The following EHMT1 variants were observed in gnomAD, a reference collection of about 807,000 sequenced individuals.
EHMT1 encodes histone-lysine N-methyltransferase EHMT1.
A neutral mutation model predicts 147.2 loss-of-function variants in EHMT1; 15 were observed. That is an observed-to-expected ratio of 0.10 (90% CI 0.07 to 0.16). The LOEUF (loss-of-function observed/expected upper bound fraction) is 0.16. EHMT1 is among the 10% of genes least tolerant of loss of function. The pLI is 1.00. For synonymous variants in EHMT1, 795 were observed against 709.6 expected, an observed-to-expected ratio of 1.12 and a Z score of -1.91; for missense variants, 1,587 against 1,772.4, an observed-to-expected ratio of 0.90 and a Z score of 1.88.
At chr9:137,689,739 A>AT (rs1320410195) in intron 1 of EHMT1, among the ~76,000 whole-genome samples, 3 of 152,128 alleles carry the variant, frequency 2.0e-5, no homozygotes, top group East Asian at 3.9e-4. Context: ...AGATGTACAC[A>AT]TTTTTTTGGG....
intron 13 of EHMT1, among the ~76,000 whole-genome samples, chr9:137,779,224 T>C (rs1380521154): frequency 6.6e-6 from 1 of 152,236 alleles, no homozygotes; most frequent in East Asian, 1.9e-4. Flanking sequence ...ACATCTTCTG[T>C]AGTGCGAGCT....
At chr9:137,643,760 G>T in intron 1 of EHMT1, among the ~76,000 whole-genome samples, 1 of 152,284 alleles carries the variant, frequency 6.6e-6, no homozygotes, top group South Asian at 2.1e-4. Context: ...TTGCTCCTCT[G>T]TCGCTGCTTT....
At chr9:137,659,103 C>T (rs1349098925) in intron 1 of EHMT1, among the ~76,000 whole-genome samples, 1 of 152,110 alleles carries the variant, frequency 6.6e-6, no homozygotes, top group Non-Finnish European at 1.5e-5. Flanking sequence ...TGTTGAACAT[C>T]TAAATACATT....
chr9:137,767,560 C>G (rs1345547834), intron 10 of EHMT1, among the ~76,000 whole-genome samples: 1 of 152,192 alleles, frequency 6.6e-6, no homozygotes, highest in East Asian at 1.9e-4. Flanking sequence ...CGCCTATAAT[C>G]CCAGCACTTT....
At chr9:137,814,352 G>C (rs1172823201) in intron 21 of EHMT1, 79 bp from the exon 22 acceptor site, 3 of 1,467,996 alleles carry the variant, frequency 2.0e-6, no homozygotes, top group Non-Finnish European at 2.8e-6. Context: ...TAACAGAACT[G>C]GAAGACGTAG....
chr9:137,723,046 T>C (rs1197382487), intron 3 of EHMT1, among the ~76,000 whole-genome samples: 4 of 106,386 alleles, frequency 3.8e-5, no homozygotes, highest in African/African-American at 8.8e-5. Context: ...TGTCTGTGTC[T>C]GTGGTTCTGG....
intron 1 of EHMT1, among the ~76,000 whole-genome samples, chr9:137,671,512 TTTTC>T (rs1248382447): frequency 6.7e-6 from 1 of 148,454 alleles, no homozygotes; most frequent in Non-Finnish European, 1.5e-5. Context: ...AGTTGGATCC[TTTTC>T]TTTCTTTTTT....
intron 4 of EHMT1, 80 bp downstream of exon 4, chr9:137,728,609 G>C: frequency 6.3e-7 from 1 of 1,581,936 alleles, no homozygotes; most frequent in South Asian, 1.1e-5. Flanking sequence ...AGTTCTGTTT[G>C]GCTGTAAGTG....
At chr9:137,695,463 C>T (rs980383446) in intron 1 of EHMT1, among the ~76,000 whole-genome samples, 4 of 152,216 alleles carry the variant, frequency 2.6e-5, no homozygotes, top group Admixed American at 1.3e-4. Context: ...ACTGCACTGC[C>T]CTGAAACTCG....
intron 1 of EHMT1, among the ~76,000 whole-genome samples, chr9:137,634,467 T>C (rs1843837139): frequency 6.6e-6 from 1 of 152,200 alleles, no homozygotes; most frequent in Non-Finnish European, 1.5e-5. Flanking sequence ...ATGGTTAATT[T>C]CTGGGTTCTC....
chr9:137,803,072 G>T, intron 18 of EHMT1: 2 of 1,230,228 alleles, frequency 1.6e-6, no homozygotes, highest in Non-Finnish European at 2.0e-6. Context: ...CCCTAGTGTG[G>T]CTGGTCGGCC....
rs117573288 is a variant in EHMT1, at chr9:137,813,602, T to A, written c.3180+72T>A. ...AGGCAGAAGCTTCTTGAGCCTGGGG[T>A]CCTGGGTTCTCACCACTCAGAGCAG... is the stretch of plus-strand genomic sequence containing the variant. On this transcript the variant is annotated intron_variant, in intron 21 of 26. Transcript: ENST00000460843. The surrounding 1 kb of genome is among the most constrained non-coding windows in gnomAD (Gnocchi z 4.9). 1,129 of 1,595,734 alleles carry A rather than the reference T, an allele frequency of 7.1e-4. 14 individuals are homozygous for A. The East Asian group carries it at 0.02, about 29-fold the overall frequency.
chr9:137,805,277 G>A (rs1319513015), intron 18 of EHMT1, among the ~76,000 whole-genome samples: 1 of 152,118 alleles, frequency 6.6e-6, no homozygotes, highest in Admixed American at 6.5e-5. Context: ...TCAGTCATCT[G>A]CATGTATGAG....
chr9:137,657,054 T>G (rs941808199), intron 1 of EHMT1, among the ~76,000 whole-genome samples: 1 of 152,212 alleles, frequency 6.6e-6, no homozygotes, highest in East Asian at 1.9e-4. Flanking sequence ...CTTTTACTTT[T>G]GTCTGTTCAT....
chr9:137,627,258 A>ATTT (rs1196958635), intron 1 of EHMT1, among the ~76,000 whole-genome samples: 32 of 113,864 alleles, frequency 2.8e-4, no homozygotes, highest in African/African-American at 3.0e-4. Flanking sequence ...ATGCCTGGCC[A>ATTT]TTTTTTTTTT....
chr9:137,646,640 A>G (rs116524704), intron 1 of EHMT1, among the ~76,000 whole-genome samples: 5,176 of 152,194 alleles, frequency 0.034, 296 homozygotes, highest in African/African-American at 0.11. Context: ...GGTGTGGCGC[A>G]GTTCTGTTGT....
chr9:137,619,063 C>CCGGCGGGGGG lies in EHMT1; in HGVS notation c.21+20_21+29dup, dbSNP rs1228731503. 1 of 906,032 alleles carries CCGGCGGGGGG rather than the reference C, an allele frequency of 1.1e-6. No individual in the cohort carries two copies. Among genetic ancestry groups the CCGGCGGGGGG allele is most frequent in the Non-Finnish European group, 1.3e-6 (1 of 760,114 alleles). The allele number at this position is 906,032 out of a possible 1,614,324, so 56.1% of individuals were successfully genotyped here. On this transcript the variant is annotated intron_variant, in intron 1 of 26. Coordinates refer to ENST00000460843, the MANE Select transcript of EHMT1 (RefSeq NM_024757.5). ...GCCGATGCCGAGGTGAGCAGCGGGG[C>CCGGCGGGGGG]CGGCGGGGGGCGGCGCGGGGGCGGC...
chr9:137,817,620 C>A, intron 24 of EHMT1, 95 bp downstream of exon 24: 1 of 1,515,910 alleles, frequency 6.6e-7, no homozygotes. Flanking sequence ...TGGGAGCAGG[C>A]ACATCCCTGG....
At chr9:137,817,914 C>A in intron 24 of EHMT1, 146 bp from the exon 25 acceptor site, 1 of 803,860 alleles carries the variant, frequency 1.2e-6, no homozygotes. Flanking sequence ...CCAGTTCAAC[C>A]CTGGGCACAC....
Sources: allele counts gnomAD v4.1 joint callset (sites outside exome capture counted in the v4.1 genomes callset), GRCh38; gene constraint gnomAD v4.1.1; non-coding constraint Gnocchi (gnomAD v3.1); transcripts MANE v1.5; gene names NCBI Gene and HGNC (gene_info 2026-07-23, HGNC 2026-07-21).